The following DLG2 variants were observed in gnomAD, a reference collection of about 807,000 sequenced individuals.
DLG2 encodes disks large homolog 2.
DLG2 carries 45 observed loss-of-function variants against 132.5 expected under a neutral mutation model. The observed-to-expected ratio is 0.34, with a 90% CI of 0.27 to 0.44. The LOEUF (loss-of-function observed/expected upper bound fraction) is 0.44. Among genes scored for constraint, DLG2 ranks in the 20% least tolerant of loss-of-function variants. DLG2 has a pLI of 1.00. For synonymous variants in DLG2, 424 were observed against 419.6 expected (o/e 1.01, Z -0.13); for missense variants, 1,045 against 1,196.9 (o/e 0.87, Z 1.87).
rs58290466 is a variant in DLG2 at position 83,850,161 on chromosome 11, T to TGTGTGTG, written c.1566-16392_1566-16391insCACACAC. On this transcript the variant is annotated intron_variant, in intron 16 of 27. Coordinates refer to ENST00000376104, the MANE Select transcript of DLG2 (RefSeq NM_001142699.3). The stretch of plus-strand genomic sequence containing the variant: ...GTGTGTGTGTGTGTGTGTGTGTGTG[T>TGTGTGTG]TTTTTTACTTGAGACGGAGTCTCAC... Among the ~76,000 whole-genome samples, 918 of 126,786 alleles carry TGTGTGTG rather than the reference T, an allele frequency of 7.2e-3. 13 individuals are homozygous for TGTGTGTG. Among genetic ancestry groups the TGTGTGTG allele is most frequent in the African/African-American group, 0.017 (556 of 31,806 alleles). The allele number at this position is 126,786 out of a possible 152,430, so 83.2% of individuals were successfully genotyped here.
At chr11:84,243,201 A>T (rs1353798445) in intron 8 of DLG2, among the ~76,000 whole-genome samples, 3 of 152,164 alleles carry the variant, frequency 2.0e-5, no homozygotes, top group Non-Finnish European at 4.4e-5. Flanking sequence ...GTTTAATACA[A>T]TACCCATTAG....
intron 3 of DLG2, among the ~76,000 whole-genome samples, chr11:85,423,746 T>C (rs1419138057): frequency 6.6e-6 from 1 of 152,112 alleles, no homozygotes; most frequent in Non-Finnish European, 1.5e-5. Context: ...CCAGCTCCCA[T>C]GTAATCCTAA....
chr11:83,904,623 T>A (rs963912985), intron 15 of DLG2, among the ~76,000 whole-genome samples: 2 of 152,178 alleles, frequency 1.3e-5, no homozygotes, highest in Non-Finnish European at 2.9e-5. Context: ...CCTTGAAAGA[T>A]AGACACAGTA....
At chr11:83,987,778 T>C (rs1404544588) in intron 11 of DLG2, among the ~76,000 whole-genome samples, 1 of 152,108 alleles carries the variant, frequency 6.6e-6, no homozygotes, top group Non-Finnish European at 1.5e-5. Flanking sequence ...ATTCAGGACA[T>C]AGGCATGGGC....
chr11:84,170,936 G>A (rs2095805431), intron 8 of DLG2, among the ~76,000 whole-genome samples: 1 of 151,966 alleles, frequency 6.6e-6, no homozygotes, highest in Non-Finnish European at 1.5e-5. Flanking sequence ...CCATAATTTT[G>A]CCAGGTGATA....
chr11:84,595,248 G>T (rs1565403822), intron 6 of DLG2, among the ~76,000 whole-genome samples: 1 of 152,140 alleles, frequency 6.6e-6, no homozygotes, highest in African/African-American at 2.4e-5. Flanking sequence ...GGGACTAAAG[G>T]TGCGTGCCAC....
At chr11:84,377,218 A>T (rs1305056862) in intron 7 of DLG2, among the ~76,000 whole-genome samples, 1 of 152,084 alleles carries the variant, frequency 6.6e-6, no homozygotes, top group Non-Finnish European at 1.5e-5. Flanking sequence ...AAGAATAGAA[A>T]AACATTTTAT....
chr11:84,264,717 A>G (rs1441945106), intron 7 of DLG2, among the ~76,000 whole-genome samples: 1 of 152,184 alleles, frequency 6.6e-6, no homozygotes, highest in Non-Finnish European at 1.5e-5. Flanking sequence ...TTCCTAACCA[A>G]CTAGAAAGGA....
chr11:84,878,593 A>G (rs2086789002), intron 6 of DLG2, among the ~76,000 whole-genome samples: 1 of 152,106 alleles, frequency 6.6e-6, no homozygotes, highest in Non-Finnish European at 1.5e-5. Context: ...CATTAGGAGA[A>G]ATACCTAATG....
chr11:84,102,994 G>T (rs2092651675), intron 9 of DLG2, among the ~76,000 whole-genome samples: 1 of 152,086 alleles, frequency 6.6e-6, no homozygotes, highest in South Asian at 2.1e-4. Flanking sequence ...ATTTACAGTG[G>T]AAACTAGGTA....
intron 9 of DLG2, among the ~76,000 whole-genome samples, chr11:84,108,217 G>A (rs535483485): frequency 6.6e-6 from 1 of 152,176 alleles, no homozygotes; most frequent in East Asian, 1.9e-4. Flanking sequence ...TGTGGATATT[G>A]GCAGATTTCA....
rs553091747 is a variant in DLG2, at chr11:84,220,947, C to G, written c.573+30291G>C. Among the ~76,000 whole-genome samples the G allele has an allele frequency of 7.0e-4, 104 of 148,636 alleles. 2 individuals carry two copies. In the South Asian group the frequency reaches 0.02, roughly 29 times the overall value. ...AGGTGCATGGTGCATGCCACCATGC[C>G]CAGCTGATGTTTTTTTTTTTTTTTA... On this transcript the variant is annotated intron_variant, in intron 8 of 27. Transcript: ENST00000376104.
At position 83,458,617 on chromosome 11, in the gene DLG2, C is replaced by G. The variant is rs1198962643; in HGVS notation, c.*1201G>C. The G allele has an allele frequency of 6.6e-6, 1 of 152,244 alleles. No homozygotes were observed. Among genetic ancestry groups the G allele is most frequent in the Non-Finnish European group, 1.5e-5 (1 of 68,026 alleles). 9.4% of individuals were successfully genotyped at this position (152,244 alleles called of 1,614,324 possible). ...TCTGTAAAACAAAAAGGTACTAATC[C>G]TAATTACTCATTGTTGGCCAAAATG... On this transcript the variant is annotated 3_prime_UTR_variant, in exon 28 of 28. Coordinates refer to ENST00000376104, the MANE Select transcript of DLG2 (RefSeq NM_001142699.3).
At chr11:83,555,626 T>C (rs75498210) in intron 19 of DLG2, among the ~76,000 whole-genome samples, 1 of 150,628 alleles carries the variant, frequency 6.6e-6, no homozygotes, top group Non-Finnish European at 1.5e-5. Flanking sequence ...CATTTTTTTT[T>C]CTTCAAAAGG....
intron 2 of DLG2, among the ~76,000 whole-genome samples, chr11:85,602,317 T>G (rs1285805038): frequency 6.6e-6 from 1 of 152,214 alleles, no homozygotes; most frequent in Non-Finnish European, 1.5e-5. Context: ...CATCATCATC[T>G]ATCCCCTACA....
chr11:84,829,529 C>T (rs1355838853), intron 6 of DLG2, among the ~76,000 whole-genome samples: 1 of 151,644 alleles, frequency 6.6e-6, no homozygotes, highest in African/African-American at 2.4e-5. Flanking sequence ...TATGGAAAGG[C>T]AGCGTAGTAA....
intron 8 of DLG2, among the ~76,000 whole-genome samples, chr11:84,182,726 A>G (rs2096171174): frequency 6.6e-6 from 1 of 152,158 alleles, no homozygotes; most frequent in African/African-American, 2.4e-5. Flanking sequence ...ATCCAAAGTA[A>G]GCAGAAGAAA....
chr11:84,022,170 T>G (rs2039433156), intron 11 of DLG2, among the ~76,000 whole-genome samples: 1 of 152,112 alleles, frequency 6.6e-6, no homozygotes, highest in African/African-American at 2.4e-5. Flanking sequence ...TCTGTCAGAT[T>G]CCAGGAATTT....
Position 83,598,626 on chromosome 11 carries a change from C to T in DLG2, c.1940+34585G>A, listed in dbSNP as rs374635099. ...AAATGAGGTAATATACTGATAGAGA[C>T]CCTTTAATACTAGCTACTTAATAAA... On this transcript the variant is annotated intron_variant, in intron 19 of 27. Transcript: ENST00000376104. 6.6e-5 allele frequency among the ~76,000 whole-genome samples: 10 copies of T among 152,272 alleles called. No individual in the cohort carries two copies. In the South Asian group the frequency reaches 2.1e-3, roughly 32 times the overall value.
Sources: allele counts gnomAD v4.1 joint callset (sites outside exome capture counted in the v4.1 genomes callset), GRCh38; gene constraint gnomAD v4.1.1; transcripts MANE v1.5; gene names NCBI Gene and HGNC (gene_info 2026-07-23, HGNC 2026-07-21).